CSMD2: variants seen among roughly 807,000 people sequenced by gnomAD.
The protein encoded by CSMD2 is CUB and sushi domain-containing protein 2.
A neutral mutation model predicts 398.5 loss-of-function variants in CSMD2; 130 were observed. The observed-to-expected ratio is 0.33, with a 90% confidence interval of 0.28 to 0.38. The LOEUF (loss-of-function observed/expected upper bound fraction) is 0.38, where lower values mean the gene tolerates loss of function less well. CSMD2 is among the 10% of genes least tolerant of loss of function. The pLI, the probability that CSMD2 is intolerant of heterozygous loss-of-function variation, is 1.00. For synonymous variants in CSMD2, 1,828 were observed against 1,908.5 expected (o/e 0.96, Z 1.10); for missense variants, 3,829 against 4,764.9 (o/e 0.80, Z 5.78).
At chr1:33,938,222 C>G (rs1402831649) in intron 3 of CSMD2, among the ~76,000 whole-genome samples, 2 of 152,234 alleles carry the variant, frequency 1.3e-5, no homozygotes, top group Non-Finnish European at 2.9e-5. Flanking sequence ...TCCATTGGCC[C>G]AGCTTAGCAT....
intron 60 of CSMD2, among the ~76,000 whole-genome samples, chr1:33,540,183 T>A (rs759644811): frequency 6.6e-6 from 1 of 152,104 alleles, no homozygotes; most frequent in Non-Finnish European, 1.5e-5. Context: ...AGGTCATTTT[T>A]CATGAAAACA....
At chr1:33,822,401 A>C (rs560638166) in intron 7 of CSMD2, among the ~76,000 whole-genome samples, 1 of 152,270 alleles carries the variant, frequency 6.6e-6, no homozygotes, top group East Asian at 1.9e-4. Context: ...AGAGGCCTGA[A>C]GTAGACCGTG....
Position 33,726,629 on chromosome 1 carries a change from G to C in CSMD2, c.2425C>G (p.Pro809Ala). 1 of 1,613,568 alleles carries C rather than the reference G, an allele frequency of 6.2e-7. No individual in the cohort carries two copies. Among genetic ancestry groups the C allele is most frequent in the Non-Finnish European group, 8.5e-7 (1 of 1,179,948 alleles). The change falls in exon 16 of 71, where the codon CCT becomes GCT. Residue 809 changes from proline to alanine, a missense_variant. Physicochemically the swap from Pro to Ala is conservative, Grantham distance 27. Transcript: ENST00000373381. ...PSGTILSPGW[P>A]GFYKDALSCA... ...CTCAAGGCATCCTTGTAGAAGCCAG[G>C]CCAGCCCGGAGAGAGGATGGTGCCG...
At chr1:33,645,458 G>C (rs527354606) in intron 29 of CSMD2, among the ~76,000 whole-genome samples, 3 of 150,764 alleles carry the variant, frequency 2.0e-5, no homozygotes, top group South Asian at 4.2e-4. Context: ...ATTATTACTA[G>C]CAACAATTTG....
At chr1:33,568,542 T>C (rs1336505719) in intron 52 of CSMD2, among the ~76,000 whole-genome samples, 1 of 152,186 alleles carries the variant, frequency 6.6e-6, no homozygotes, top group East Asian at 1.9e-4. Context: ...ATTGTCTACA[T>C]TAAGGCAGTC....
At chr1:34,005,731 G>C (rs1465129910) in intron 3 of CSMD2, among the ~76,000 whole-genome samples, 1 of 152,136 alleles carries the variant, frequency 6.6e-6, no homozygotes, top group African/African-American at 2.4e-5. Flanking sequence ...CCAAGGTTTG[G>C]GACACTGCTG....
At chr1:33,827,363 T>C (rs1309280614) in intron 6 of CSMD2, among the ~76,000 whole-genome samples, 1 of 152,234 alleles carries the variant, frequency 6.6e-6, no homozygotes, top group East Asian at 1.9e-4. Context: ...CATGGGCCTC[T>C]CTGATGTGCC....
At chr1:33,820,579 A>AC in intron 7 of CSMD2, 23 bp from the exon 8 acceptor site, 1 of 1,186,028 alleles carries the variant, frequency 8.4e-7, no homozygotes, top group African/African-American at 1.6e-5. Flanking sequence ...AAAAAAAAAA[A>AC]AAAAAAAAAC....
At chr1:34,002,913 G>A (rs1472505805) in intron 3 of CSMD2, among the ~76,000 whole-genome samples, 2 of 152,216 alleles carry the variant, frequency 1.3e-5, no homozygotes, top group Admixed American at 6.5e-5. Context: ...CCCAAGTTTT[G>A]TAAAATGAGC....
Position 33,663,003 on chromosome 1 carries a change from T to C in CSMD2, c.4142A>G (p.Glu1381Gly). 1.2e-6 allele frequency: 2 copies of C among 1,614,096 alleles called. No individual in the cohort carries two copies. Among genetic ancestry groups the C allele is most frequent in the Non-Finnish European group, 1.7e-6 (2 of 1,179,982 alleles). ...GPVESGVLLK[E>G]LSGPALPKDL... ...CTTGGGCAGGGCCGGGCCACTCAGC[T>C]CCTTCAGCAGAACCCCGCTCTCCAC... Residue 1381 changes from glutamate (E) to glycine (G), a missense_variant, in exon 26 of 71, where the codon GAG (glutamate) becomes GGG (glycine). Transcript: ENST00000373381.
At chr1:33,630,872 C>A (rs974589373) in intron 32 of CSMD2, among the ~76,000 whole-genome samples, 21 of 152,020 alleles carry the variant, frequency 1.4e-4, no homozygotes, top group African/African-American at 4.8e-4. Flanking sequence ...TGATGATGAA[C>A]ATAGTACATA....
intron 15 of CSMD2, among the ~76,000 whole-genome samples, chr1:33,729,377 G>A (rs1646645541): frequency 6.6e-6 from 1 of 151,370 alleles, no homozygotes; most frequent in Non-Finnish European, 1.5e-5. Context: ...TAATCATTCT[G>A]TCCTTCACTT....
At chr1:33,962,161 TGCAGGGCCA>T (rs1357798255) in intron 3 of CSMD2, among the ~76,000 whole-genome samples, 1 of 152,192 alleles carries the variant, frequency 6.6e-6, no homozygotes, top group Non-Finnish European at 1.5e-5. Context: ...GGACTCGTAC[TGCAGGGCCA>T]GCAGCCTCAC....
chr1:34,064,514 T>G (rs1039013157), intron 2 of CSMD2, among the ~76,000 whole-genome samples: 1 of 152,116 alleles, frequency 6.6e-6, no homozygotes, highest in African/African-American at 2.4e-5. Context: ...TTCCAACAAG[T>G]TCCTCCTCTC....
At chr1:33,909,344 C>T (rs1643315395) in intron 5 of CSMD2, among the ~76,000 whole-genome samples, 1 of 152,198 alleles carries the variant, frequency 6.6e-6, no homozygotes, top group Non-Finnish European at 1.5e-5. Flanking sequence ...AGTCAGGTCT[C>T]AGCTTAAATC....
intron 13 of CSMD2, among the ~76,000 whole-genome samples, chr1:33,766,738 A>G (rs1375439914): frequency 1.3e-5 from 2 of 152,268 alleles, no homozygotes; most frequent in Non-Finnish European, 2.9e-5. Flanking sequence ...TAGTGAAGCT[A>G]ACAAAGTTTA....
intron 2 of CSMD2, among the ~76,000 whole-genome samples, chr1:34,081,498 C>T (rs1287775575): frequency 6.6e-6 from 1 of 151,626 alleles, no homozygotes; most frequent in Non-Finnish European, 1.5e-5. Flanking sequence ...GCCGTGATCT[C>T]GGCTCACTGC....
At chr1:33,631,580 GA>G (rs1398764462) in intron 32 of CSMD2, among the ~76,000 whole-genome samples, 2 of 151,908 alleles carry the variant, frequency 1.3e-5, no homozygotes, top group South Asian at 2.1e-4. Flanking sequence ...CATAATGGGG[GA>G]AAAAAGACCC....
intron 12 of CSMD2, among the ~76,000 whole-genome samples, chr1:33,777,197 C>T (rs775907272): frequency 2.6e-5 from 4 of 152,096 alleles, no homozygotes; most frequent in Non-Finnish European, 4.4e-5. Context: ...GCTACAGGGT[C>T]GTGGTGACTT....
Sources: gnomAD v4.1 joint callset for allele counts (sites outside exome capture counted in the v4.1 genomes callset) on GRCh38, gnomAD v4.1.1 for gene constraint, MANE v1.5 for transcripts, NCBI Gene and HGNC (gene_info 2026-07-23, HGNC 2026-07-21) for gene names.